The following GABRA3 variants were observed in gnomAD, a reference collection of about 807,000 sequenced individuals.
The protein encoded by GABRA3 is gamma-aminobutyric acid receptor subunit alpha-3.
GABRA3 carries 10 observed loss-of-function variants against 30.1 expected under a neutral mutation model. That is an observed-to-expected ratio of 0.33 (90% confidence interval 0.20 to 0.56). The LOEUF (loss-of-function observed/expected upper bound fraction) is 0.56, where lower values mean the gene tolerates loss of function less well. Among genes scored for constraint, GABRA3 ranks in the 20% least tolerant of loss-of-function variants. The probability of loss-of-function intolerance (pLI) is 0.89; values close to 1 mark genes in which losing one functional copy is unlikely to be tolerated. For missense variants in GABRA3, 233 were observed against 392.0 expected (o/e 0.59, Z 3.42); for synonymous variants, 151 against 146.8 (o/e 1.03, Z -0.21).
chrX:152,450,162 C>CAA (rs950384939), intron 1 of GABRA3, among the ~76,000 whole-genome samples: 5 of 110,357 alleles, frequency 4.5e-5, no homozygotes, highest in African/African-American at 1.7e-4. Context: ...TGCTGACTCT[C>CAA]AATAAGCCAA....
At chrX:152,192,710 A>G (rs920197367) in intron 8 of GABRA3, among the ~76,000 whole-genome samples, 4 of 111,432 alleles carry the variant, frequency 3.6e-5, no homozygotes, top group Non-Finnish European at 5.7e-5. Flanking sequence ...CACATTTCAT[A>G]TATCTGTTTA....
intron 1 of GABRA3, among the ~76,000 whole-genome samples, chrX:152,389,997 A>G (rs1929434344): frequency 8.9e-6 from 1 of 112,053 alleles, no homozygotes; most frequent in South Asian, 3.7e-4. Flanking sequence ...TTAAAAAAAT[A>G]CAACACAGGA....
At chrX:152,360,867 GT>G (rs1928481766) in intron 2 of GABRA3, among the ~76,000 whole-genome samples, 1 of 106,767 alleles carries the variant, frequency 9.4e-6, no homozygotes, top group African/African-American at 3.4e-5. Context: ...GAGGTCAGGA[GT>G]TTGAGATCAG....
At chrX:152,306,503 T>C (rs894923962) in intron 3 of GABRA3, among the ~76,000 whole-genome samples, 2 of 112,116 alleles carry the variant, frequency 1.8e-5, no homozygotes, top group Admixed American at 9.5e-5. Context: ...GCAATCACTG[T>C]TGCTTAATGT....
At chrX:152,200,891 C>G (rs1443023508) in intron 7 of GABRA3, among the ~76,000 whole-genome samples, 1 of 112,048 alleles carries the variant, frequency 8.9e-6, no homozygotes, top group Non-Finnish European at 1.9e-5. Flanking sequence ...TTCTATACTT[C>G]TTTCTTTCTC....
At chrX:152,339,739 C>T (rs1334953279) in intron 3 of GABRA3, among the ~76,000 whole-genome samples, 1 of 111,154 alleles carries the variant, frequency 9.0e-6, no homozygotes, top group Non-Finnish European at 1.9e-5. Flanking sequence ...GTTGAAATCT[C>T]TAACTATATT....
chrX:152,203,878 C>T (rs1165920278), intron 7 of GABRA3, among the ~76,000 whole-genome samples: 2 of 111,627 alleles, frequency 1.8e-5, no homozygotes, highest in Non-Finnish European at 3.8e-5. Context: ...CACCTTAATC[C>T]CCCCTTTCCA....
chrX:152,254,322 A>C (rs1260695942), intron 5 of GABRA3, among the ~76,000 whole-genome samples: 1 of 110,535 alleles, frequency 9.0e-6, no homozygotes, highest in African/African-American at 3.3e-5. Flanking sequence ...TCTCTTTAGA[A>C]TATCCTAATA....
chrX:152,335,729 C>CT (rs1357822087), intron 3 of GABRA3, among the ~76,000 whole-genome samples: 4 of 111,050 alleles, frequency 3.6e-5, no homozygotes, highest in East Asian at 2.8e-4. Flanking sequence ...TTCAAAGATT[C>CT]TTTTTTTTCA....
intron 3 of GABRA3, among the ~76,000 whole-genome samples, chrX:152,327,610 A>C (rs1284991750): frequency 8.9e-6 from 1 of 112,209 alleles, no homozygotes; most frequent in Non-Finnish European, 1.9e-5. Flanking sequence ...TACTGGGTAC[A>C]TAACGAAATG....
intron 1 of GABRA3, among the ~76,000 whole-genome samples, chrX:152,404,663 C>T (rs1435010262): frequency 9.1e-6 from 1 of 109,456 alleles, no homozygotes; most frequent in East Asian, 2.9e-4. Flanking sequence ...AGAGCACTGG[C>T]AGAGGCTGAG....
At chrX:152,277,051 G>C (rs973204782) in intron 4 of GABRA3, among the ~76,000 whole-genome samples, 7 of 111,354 alleles carry the variant, frequency 6.3e-5, no homozygotes, top group African/African-American at 2.3e-4. Flanking sequence ...TAAAAAGTTG[G>C]ATGATCATAT....
intron 3 of GABRA3, among the ~76,000 whole-genome samples, chrX:152,342,332 G>A (rs1034227321): frequency 8.9e-6 from 1 of 111,756 alleles, no homozygotes; most frequent in African/African-American, 3.3e-5. Flanking sequence ...AATGTCATTT[G>A]CCCAAAAAGT....
At position 152,355,404 on chromosome X, in the gene GABRA3, G is replaced by A. The variant is rs148514639; in HGVS notation, c.140+9027C>T. Among the ~76,000 whole-genome samples, 976 of 111,316 alleles carry A rather than the reference G, an allele frequency of 8.8e-3. 13 individuals carry two copies. The highest frequency in any genetic ancestry group is 0.03 in the African/African-American group (929 of 30,645). ...CTTGAGTTTGGCCACCTTGGCTGAA[G>A]ATCAGAGGAAGACGAAAAGACTGGG... On this transcript the variant is annotated intron_variant, in intron 2 of 9. Coordinates refer to ENST00000370314, the MANE Select transcript of GABRA3 (RefSeq NM_000808.4).
intron 3 of GABRA3, among the ~76,000 whole-genome samples, chrX:152,305,152 T>C (rs1158027744): frequency 9.0e-6 from 1 of 111,358 alleles, no homozygotes; most frequent in Non-Finnish European, 1.9e-5. Context: ...GATGAGCACC[T>C]AATTAATACA....
chrX:152,295,742 C>T (rs1240949183), intron 3 of GABRA3, among the ~76,000 whole-genome samples: 2 of 112,289 alleles, frequency 1.8e-5, no homozygotes, highest in Non-Finnish European at 3.8e-5. Context: ...AAACGTTTAC[C>T]TCAGTTTGAA....
intron 4 of GABRA3, among the ~76,000 whole-genome samples, chrX:152,262,993 G>A (rs1255821984): frequency 2.7e-5 from 3 of 111,592 alleles, no homozygotes. Flanking sequence ...ATAGCAGAAG[G>A]GGAAGCAAAC....
At chrX:152,269,483 C>T (rs760899080) in intron 4 of GABRA3, among the ~76,000 whole-genome samples, 2 of 111,856 alleles carry the variant, frequency 1.8e-5, no homozygotes, top group East Asian at 5.6e-4. Flanking sequence ...AAAGAAAAGA[C>T]GAATCCTAAA....
intron 7 of GABRA3, among the ~76,000 whole-genome samples, chrX:152,202,751 C>A (rs1937501274): frequency 9.0e-6 from 1 of 111,658 alleles, no homozygotes; most frequent in South Asian, 3.7e-4. Context: ...CCTCATAGAG[C>A]AAAACCAAAA....
Sources: allele counts gnomAD v4.1 joint callset (sites outside exome capture counted in the v4.1 genomes callset), GRCh38; gene constraint gnomAD v4.1.1; transcripts MANE v1.5; gene names NCBI Gene and HGNC (gene_info 2026-07-23, HGNC 2026-07-21).